Variants in RALGAPA2 observed in about 807,000 individuals in gnomAD.
The protein encoded by RALGAPA2 is Ral GTPase activating protein catalytic subunit alpha 2.
Under a neutral mutation model 230.4 loss-of-function variants are expected in RALGAPA2, and 139 were observed. The observed-to-expected ratio is 0.60, with a 90% confidence interval of 0.53 to 0.69. RALGAPA2 has a LOEUF of 0.69. RALGAPA2 is among the 30% of genes least tolerant of loss of function. The probability of loss-of-function intolerance (pLI) is 0.00; values close to 1 mark genes in which losing one functional copy is unlikely to be tolerated. For missense variants in RALGAPA2, 2,163 were observed against 2,276.0 expected (o/e 0.95, Z 1.01); for synonymous variants, 847 against 837.8 (o/e 1.01, Z -0.19).
At chr20:20,503,264 G>A in intron 35 of RALGAPA2, 87 bp downstream of exon 35, 1 of 1,209,550 alleles carries the variant, frequency 8.3e-7, no homozygotes, top group Non-Finnish European at 1.1e-6. Context: ...ATCTCAGTGT[G>A]CGTTCTACCC....
intron 30 of RALGAPA2, among the ~76,000 whole-genome samples, chr20:20,523,037 T>G (rs901959559): frequency 2.1e-5 from 3 of 145,766 alleles, no homozygotes; most frequent in African/African-American, 7.4e-5. Flanking sequence ...CAATTAGGTG[T>G]TTTTTTTTTA....
chr20:20,640,266 T>C (rs890512078), intron 6 of RALGAPA2, among the ~76,000 whole-genome samples: 11 of 152,218 alleles, frequency 7.2e-5, no homozygotes, highest in Non-Finnish European at 1.0e-4. Context: ...GAGGCCACTA[T>C]TGTCCTTCCA....
intron 1 of RALGAPA2, among the ~76,000 whole-genome samples, chr20:20,702,391 T>G (rs2069417776): frequency 6.6e-6 from 1 of 152,158 alleles, no homozygotes; most frequent in Admixed American, 6.5e-5. Context: ...GGAGAGGATT[T>G]AGACCACGAT....
rs377419350 is a variant in RALGAPA2 at position 20,639,792 on chromosome 20, A to G, written c.659T>C (p.Val220Ala). ...TCATAATTTTTCTCTGACCTGAATA[A>G]CCATATACTTCAACAGTATTTGAAG... ...FFLQILLKYM[V>A]IQAASLEWKN... Residue 220 changes from valine to alanine, a missense_variant, in exon 7 of 40, where the codon GTT becomes GCT. Physicochemically the swap from Val to Ala is moderately conservative, Grantham distance 64. Transcript: ENST00000202677. 3.7e-6 allele frequency: 6 copies of G among 1,601,362 alleles called. No homozygotes were observed. The African/African-American group carries it at 8.0e-5, about 21-fold the overall frequency.
chr20:20,414,384 G>A lies in RALGAPA2; in HGVS notation c.5496-2236C>T, dbSNP rs62200245. Among the ~76,000 whole-genome samples the A allele has an allele frequency of 2.5e-3, 388 of 152,306 alleles. 2 individuals carry two copies. The highest frequency in any genetic ancestry group is 4.3e-3 in the Non-Finnish European group (294 of 68,024). ...TCCACATACAGTGCTTGGGACAATGGTGAACAAAAAGGAAATGCGTGCGCA... is the reference window on the plus strand; with the variant it reads ...TCCACATACAGTGCTTGGGACAATGATGAACAAAAAGGAAATGCGTGCGCA... On this transcript the variant is annotated intron_variant, in intron 37 of 39. Transcript: ENST00000202677.
At chr20:20,446,495 G>A (rs1292018457) in intron 37 of RALGAPA2, among the ~76,000 whole-genome samples, 3 of 152,176 alleles carry the variant, frequency 2.0e-5, no homozygotes, top group Non-Finnish European at 4.4e-5. Context: ...TCAACAAGGA[G>A]GAGAGGAGAA....
At chr20:20,425,481 A>G (rs898176736) in intron 37 of RALGAPA2, among the ~76,000 whole-genome samples, 1 of 152,238 alleles carries the variant, frequency 6.6e-6, no homozygotes, top group Non-Finnish European at 1.5e-5. Flanking sequence ...CTATGCTTCT[A>G]TGAAATAATT....
chr20:20,515,508 T>C (rs750356557), intron 31 of RALGAPA2, among the ~76,000 whole-genome samples: 10 of 152,194 alleles, frequency 6.6e-5, no homozygotes, highest in Non-Finnish European at 1.3e-4. Context: ...CCTCAGAGTG[T>C]CAGTCGGGGG....
chr20:20,651,348 A>G (rs945720864), intron 4 of RALGAPA2, among the ~76,000 whole-genome samples: 6 of 152,242 alleles, frequency 3.9e-5, no homozygotes, highest in Admixed American at 6.5e-5. Context: ...TATAAGCATC[A>G]GTAATAAATG....
intron 3 of RALGAPA2, among the ~76,000 whole-genome samples, chr20:20,662,020 G>A (rs1325226256): frequency 3.3e-5 from 5 of 152,108 alleles, no homozygotes; most frequent in Non-Finnish European, 1.5e-5. Flanking sequence ...TTAAATGGGG[G>A]ATATTAACAC....
chr20:20,399,208 G>A (rs2059780746), intron 38 of RALGAPA2, among the ~76,000 whole-genome samples: 1 of 152,092 alleles, frequency 6.6e-6, no homozygotes, highest in Non-Finnish European at 1.5e-5. Flanking sequence ...TCAGCTGGGT[G>A]TGGTGGTGGG....
At chr20:20,440,160 T>C (rs1324778249) in intron 37 of RALGAPA2, among the ~76,000 whole-genome samples, 2 of 152,156 alleles carry the variant, frequency 1.3e-5, no homozygotes, top group Non-Finnish European at 2.9e-5. Context: ...GAGTTAAATA[T>C]AGATGCTTGT....
chr20:20,635,709 T>G (rs892850887), intron 8 of RALGAPA2, 92 bp from the exon 9 acceptor site: 2 of 1,176,464 alleles, frequency 1.7e-6, no homozygotes, highest in East Asian at 2.7e-5. Flanking sequence ...TTAAATCCAA[T>G]TTTTGGTTGT....
intron 3 of RALGAPA2, among the ~76,000 whole-genome samples, chr20:20,669,668 TTCTG>T (rs1330811102): frequency 6.6e-6 from 1 of 152,230 alleles, no homozygotes; most frequent in Non-Finnish European, 1.5e-5. Flanking sequence ...CTGCCCTCAG[TTCTG>T]TCTCTGTCGC....
At chr20:20,422,842 T>C (rs1193418378) in intron 37 of RALGAPA2, among the ~76,000 whole-genome samples, 1 of 152,140 alleles carries the variant, frequency 6.6e-6, no homozygotes, top group Non-Finnish European at 1.5e-5. Flanking sequence ...ACAGCTTATA[T>C]GGAAAGACAA....
intron 36 of RALGAPA2, among the ~76,000 whole-genome samples, chr20:20,482,244 T>A (rs751837946): frequency 6.6e-6 from 1 of 152,164 alleles, no homozygotes; most frequent in Non-Finnish European, 1.5e-5. Context: ...TTAAGGGCTG[T>A]GGGGGAATAC....
rs761854436 is a variant in RALGAPA2 at position 20,393,187 on chromosome 20, G to A, written c.*102C>T. 3.0e-6 allele frequency: 4 copies of A among 1,349,664 alleles called. No individual in the cohort carries two copies. The highest frequency in any genetic ancestry group is 9.4e-5 in the East Asian group (2 of 21,218). The allele number at this position is 1,349,664 out of a possible 1,614,324, so 83.6% of individuals were successfully genotyped here. On this transcript the variant is annotated 3_prime_UTR_variant, in exon 40 of 40. Transcript: ENST00000202677. ...AGTGGCTCGGGGCAGAGGCAGGAGA[G>A]GGTGTTCTGTCTCCTCCTCACTCAG...
chr20:20,616,311 A>G (rs1419394199), intron 12 of RALGAPA2, 120 bp from the exon 13 acceptor site: 3 of 922,598 alleles, frequency 3.3e-6, no homozygotes, highest in Admixed American at 3.6e-5. Context: ...TTTCCAAAAG[A>G]TTCTATTTCA....
chr20:20,582,998 A>G, intron 20 of RALGAPA2, 52 bp downstream of exon 20: 4 of 1,559,100 alleles, frequency 2.6e-6, no homozygotes, highest in Non-Finnish European at 3.5e-6. Flanking sequence ...ATGATTCACA[A>G]CTGATCTCCC....
Sources: gnomAD v4.1 joint callset for allele counts (sites outside exome capture counted in the v4.1 genomes callset) on GRCh38, gnomAD v4.1.1 for gene constraint, MANE v1.5 for transcripts, NCBI Gene and HGNC (gene_info 2026-07-23, HGNC 2026-07-21) for gene names.